TAFA4: variants seen among roughly 807,000 people sequenced by gnomAD.
TAFA4 encodes the protein TAFA chemokine like family member 4.
Under a neutral mutation model 21.1 loss-of-function variants are expected in TAFA4, and 20 were observed. The observed-to-expected ratio is 0.95, with a 90% confidence interval of 0.67 to 1.38. TAFA4 has a LOEUF of 1.38. TAFA4 is among the 40% of genes most tolerant of loss of function. TAFA4 has a pLI of 0.00. For synonymous variants in TAFA4, 71 were observed against 67.4 expected, an observed-to-expected ratio of 1.05 and a Z score of -0.26; for missense variants, 211 against 180.9, an observed-to-expected ratio of 1.17 and a Z score of -0.95.
At chr3:68,844,421 A>C (rs543131567) in intron 3 of TAFA4, among the ~76,000 whole-genome samples, 1 of 149,480 alleles carries the variant, frequency 6.7e-6, no homozygotes, top group Admixed American at 6.6e-5. Context: ...CTTCTTTATT[A>C]GTCTGGCTAG....
intron 3 of TAFA4, among the ~76,000 whole-genome samples, chr3:68,815,099 C>G (rs540839432): frequency 6.6e-6 from 1 of 152,248 alleles, no homozygotes; most frequent in South Asian, 2.1e-4. Context: ...GCTGGGAAAC[C>G]TGGCTAGCCA....
chr3:68,923,743 A>C (rs1017674521), intron 1 of TAFA4, among the ~76,000 whole-genome samples: 1 of 152,182 alleles, frequency 6.6e-6, no homozygotes, highest in African/African-American at 2.4e-5. Context: ...GCTTCTCCTT[A>C]GGGTAAACAC....
At chr3:68,807,777 T>C (rs1227499573) in intron 3 of TAFA4, among the ~76,000 whole-genome samples, 1 of 152,210 alleles carries the variant, frequency 6.6e-6, no homozygotes, top group Non-Finnish European at 1.5e-5. Flanking sequence ...CTGCATCACC[T>C]ACATAAGATT....
At chr3:68,918,804 G>A (rs1018297991) in intron 1 of TAFA4, among the ~76,000 whole-genome samples, 2 of 152,194 alleles carry the variant, frequency 1.3e-5, no homozygotes, top group African/African-American at 4.8e-5. Context: ...GCCTCCCAAA[G>A]TGCTGGGATC....
chr3:68,761,032 T>TA (rs1320805661), intron 3 of TAFA4, among the ~76,000 whole-genome samples: 1 of 152,198 alleles, frequency 6.6e-6, no homozygotes, highest in Non-Finnish European at 1.5e-5. Context: ...GAAGTGGATT[T>TA]ATCGTTACCT....
chr3:68,774,783 G>A (rs1322269530), intron 3 of TAFA4, among the ~76,000 whole-genome samples: 1 of 152,070 alleles, frequency 6.6e-6, no homozygotes, highest in Non-Finnish European at 1.5e-5. Context: ...TAGTAAGAAA[G>A]CCCTTTCTAA....
chr3:68,733,878 C>T (rs1702195447), intron 5 of TAFA4, among the ~76,000 whole-genome samples: 1 of 152,188 alleles, frequency 6.6e-6, no homozygotes, highest in Non-Finnish European at 1.5e-5. Context: ...TTGCTATTAA[C>T]TGACATCTGG....
intron 3 of TAFA4, among the ~76,000 whole-genome samples, chr3:68,845,947 A>G (rs1264195627): frequency 6.6e-6 from 1 of 151,526 alleles, no homozygotes; most frequent in African/African-American, 2.4e-5. Context: ...TGCTCTTAAC[A>G]TTTTTTCCTT....
At chr3:68,900,074 A>G (rs930818051) in intron 1 of TAFA4, among the ~76,000 whole-genome samples, 24 of 59,000 alleles carry the variant, frequency 4.1e-4, no homozygotes, top group Non-Finnish European at 7.9e-4. Flanking sequence ...CCCTGTCTCT[A>G]CACACACAAA....
At chr3:68,749,150 A>C (rs1233733382) in intron 4 of TAFA4, among the ~76,000 whole-genome samples, 1 of 152,210 alleles carries the variant, frequency 6.6e-6, no homozygotes, top group African/African-American at 2.4e-5. Context: ...TCAATAACTC[A>C]GGGGAGGTTT....
intron 4 of TAFA4, among the ~76,000 whole-genome samples, chr3:68,739,523 C>T (rs1337646147): frequency 6.6e-6 from 1 of 152,170 alleles, no homozygotes; most frequent in South Asian, 2.1e-4. Flanking sequence ...CTGAATCCAG[C>T]AATCCCACCC....
chr3:68,759,884 A>C (rs1473854273), intron 3 of TAFA4, among the ~76,000 whole-genome samples: 1 of 152,090 alleles, frequency 6.6e-6, no homozygotes. Flanking sequence ...GGGTGGGCAG[A>C]TGGGGGGTAG....
At chr3:68,815,427 T>C (rs570512737) in intron 3 of TAFA4, among the ~76,000 whole-genome samples, 9 of 152,262 alleles carry the variant, frequency 5.9e-5, no homozygotes, top group African/African-American at 1.9e-4. Flanking sequence ...GACAAAGGGC[T>C]AATATCCAGA....
At chr3:68,800,877 AG>A (rs1482551051) in intron 3 of TAFA4, among the ~76,000 whole-genome samples, 2 of 152,242 alleles carry the variant, frequency 1.3e-5, no homozygotes, top group Non-Finnish European at 2.9e-5. Flanking sequence ...AATGAGGCTA[AG>A]GAAAAGGCAA....
rs564369566 is a variant in TAFA4 at position 68,822,156 on chromosome 3, T to G, written c.130+58574A>C. Among the ~76,000 whole-genome samples the G allele has an allele frequency of 2.8e-4, 42 of 152,186 alleles. 1 individual carries two copies. In the East Asian group the frequency reaches 7.9e-3, roughly 29 times the overall value. Reference sequence around the variant, plus strand: ...CAAATATTGACTTTTTTAAAAAAAATGTAACCCAAACAGTGAATGGGATAT... The same window carrying G: ...CAAATATTGACTTTTTTAAAAAAAAGGTAACCCAAACAGTGAATGGGATAT... On this transcript the variant is annotated intron_variant, in intron 3 of 5. Transcript: ENST00000295569.
intron 3 of TAFA4, among the ~76,000 whole-genome samples, chr3:68,817,593 TTAAG>T (rs1679816259): frequency 1.3e-5 from 2 of 152,234 alleles, no homozygotes; most frequent in Admixed American, 1.3e-4. Context: ...AATGTATTTC[TTAAG>T]TAATAAGACT....
intron 3 of TAFA4, among the ~76,000 whole-genome samples, chr3:68,845,081 T>TC (rs1704754487): frequency 6.6e-6 from 1 of 152,122 alleles, no homozygotes; most frequent in Non-Finnish European, 1.5e-5. Flanking sequence ...CTTGTTAATG[T>TC]TGTCTCGTTA....
intron 2 of TAFA4, among the ~76,000 whole-genome samples, chr3:68,883,446 T>G (rs900258841): frequency 2.6e-5 from 4 of 152,234 alleles, no homozygotes; most frequent in South Asian, 2.1e-4. Flanking sequence ...ATTCAGTGTA[T>G]GTGAAACCTT....
rs556356518 is a variant in TAFA4, at chr3:68,831,850, G to C, written c.130+48880C>G. 2.6e-4 allele frequency among the ~76,000 whole-genome samples: 39 copies of C among 152,226 alleles called. 1 individual carries two copies. In the South Asian group the frequency reaches 7.9e-3, roughly 31 times the overall value. On this transcript the variant is annotated intron_variant, in intron 3 of 5. Transcript: ENST00000295569. ...AATGTAGATTTGTTTTTCTCACATA[G>C]TCCCATATTTCTTGGAGTCTTTGTT...
Sources: gnomAD v4.1 joint callset for allele counts (sites outside exome capture counted in the v4.1 genomes callset) on GRCh38, gnomAD v4.1.1 for gene constraint, MANE v1.5 for transcripts, NCBI Gene and HGNC (gene_info 2026-07-23, HGNC 2026-07-21) for gene names.